TMED8: variants seen among roughly 807,000 people sequenced by gnomAD.
The protein encoded by TMED8 is transmembrane p24 trafficking protein family member 8, also known as protein TMED8.
In TMED8, 15 loss-of-function variants were observed where a neutral mutation model predicts 32.7. That is an observed-to-expected ratio of 0.46 (90% CI 0.31 to 0.71). The LOEUF (loss-of-function observed/expected upper bound fraction) is 0.71, where lower values mean the gene tolerates loss of function less well. TMED8 is among the 30% of genes least tolerant of loss of function. The probability of loss-of-function intolerance (pLI) is 0.06; values close to 1 mark genes in which losing one functional copy is unlikely to be tolerated. For missense variants in TMED8, 390 were observed against 423.9 expected (o/e 0.92, Z 0.70); for synonymous variants, 147 against 161.4 (o/e 0.91, Z 0.68).
At chr14:77,353,420 T>TTTTTC (rs1041855840) in intron 1 of TMED8, among the ~76,000 whole-genome samples, 1 of 151,462 alleles carries the variant, frequency 6.6e-6, no homozygotes, top group Non-Finnish European at 1.5e-5. Flanking sequence ...ACAAGATCTA[T>TTTTTC]TTTTCTTTTC....
intron 1 of TMED8, among the ~76,000 whole-genome samples, chr14:77,363,528 G>T (rs1018887378): frequency 4.6e-5 from 7 of 152,112 alleles, no homozygotes; most frequent in Non-Finnish European, 1.0e-4. Flanking sequence ...CAGGCATGGT[G>T]GCTCAGGCCT....
At chr14:77,373,678 A>T (rs1340931806) in intron 1 of TMED8, among the ~76,000 whole-genome samples, 2 of 152,224 alleles carry the variant, frequency 1.3e-5, no homozygotes, top group African/African-American at 4.8e-5. Context: ...CAAAACCCTT[A>T]ACTCAACAAT....
chr14:77,346,771 T>TTTG (rs1893054879), intron 2 of TMED8, among the ~76,000 whole-genome samples: 1 of 139,538 alleles, frequency 7.2e-6, no homozygotes, highest in Admixed American at 7.0e-5. Context: ...TTTTTTTTTT[T>TTTG]TTTTTTTTTT....
intron 1 of TMED8, among the ~76,000 whole-genome samples, chr14:77,360,229 C>A (rs1893401007): frequency 6.6e-6 from 1 of 152,060 alleles, no homozygotes. Flanking sequence ...TAGTAAAATT[C>A]CCAAGCAAAA....
intron 1 of TMED8, among the ~76,000 whole-genome samples, chr14:77,360,973 C>CTTTT (rs71128616): frequency 1.2e-5 from 1 of 85,468 alleles, no homozygotes; most frequent in African/African-American, 5.1e-5. Flanking sequence ...GATCCTTTGC[C>CTTTT]TTTTTTTTTT....
chr14:77,343,472 G>C lies in TMED8; in HGVS notation c.466C>G (p.Leu156Val). The C allele has an allele frequency of 6.2e-7, 1 of 1,613,396 alleles. No homozygotes were observed. Among genetic ancestry groups the C allele is most frequent in the Non-Finnish European group, 8.5e-7 (1 of 1,179,690 alleles). Reference protein sequence around the residue: ...LGDHRKVSPPLMAPPCIWTFA... With the variant: ...LGDHRKVSPPVMAPPCIWTFA... ...GTCCAGATGCATGGAGGAGCCATCA[G>C]AGGTGGGGAGACTGAAAGGACAAGC... Residue 156 changes from leucine to valine, a missense_variant, in exon 5 of 6, where the codon CTG becomes GTG. By Grantham distance (32) the Leu-to-Val change is conservative. Transcript: ENST00000216468.
intron 2 of TMED8, among the ~76,000 whole-genome samples, chr14:77,349,104 C>T (rs957578600): frequency 9.9e-6 from 1 of 101,394 alleles, no homozygotes; most frequent in Non-Finnish European, 2.0e-5. Flanking sequence ...AACTCTAAGG[C>T]CCTTTTTTTT....
At chr14:77,357,194 T>C (rs1336278688) in intron 1 of TMED8, among the ~76,000 whole-genome samples, 1 of 152,194 alleles carries the variant, frequency 6.6e-6, no homozygotes, top group Non-Finnish European at 1.5e-5. Flanking sequence ...TCAGTTTTGT[T>C]CTTGCAAGAA....
intron 1 of TMED8, among the ~76,000 whole-genome samples, chr14:77,355,297 C>T (rs560860703): frequency 3.2e-4 from 49 of 151,436 alleles, no homozygotes; most frequent in African/African-American, 9.9e-4. Flanking sequence ...CGTGTTCAAG[C>T]GATTCTCCTG....
At chr14:77,343,538 G>C (rs1009233792) in intron 4 of TMED8, 55 bp from the exon 5 acceptor site, 9 of 1,593,706 alleles carry the variant, frequency 5.6e-6, no homozygotes, top group Non-Finnish European at 7.7e-6. Context: ...TGAGTACCCC[G>C]GGCATTTTGC....
chr14:77,351,817 C>G, intron 1 of TMED8, 66 bp from the exon 2 acceptor site: 2 of 1,376,624 alleles, frequency 1.5e-6, no homozygotes, highest in Non-Finnish European at 2.0e-6. Context: ...TATCTTGTAC[C>G]TTTAAAAAAA....
rs566280520 is a variant in TMED8 at position 77,369,280 on chromosome 14, G to T, written c.118+7656C>A. Among the ~76,000 whole-genome samples, 40 of 152,310 alleles carry T rather than the reference G, an allele frequency of 2.6e-4. No homozygotes were observed. In the South Asian group the frequency reaches 7.7e-3, roughly 29 times the overall value. On this transcript the variant is annotated intron_variant, in intron 1 of 5. Coordinates refer to ENST00000216468, the MANE Select transcript of TMED8 (RefSeq NM_213601.3). ...TAAAAACTTTAAAATAAGTCTTGAT[G>T]TTGGATGGAACAAATCTTTCCCTGT...
Position 77,340,605 on chromosome 14 carries a change from CAG to C in TMED8, c.*1164_*1165del, listed in dbSNP as rs1480496083. Reference sequence around the variant, plus strand: ...TGCACTCTGTGGCACTCCTGAGCCTCAGGGGTGACACAGTAGGAAATGCTGTC... The same window carrying C: ...TGCACTCTGTGGCACTCCTGAGCCTCGGGTGACACAGTAGGAAATGCTGTC... On this transcript the variant is annotated 3_prime_UTR_variant, in exon 6 of 6. Coordinates refer to ENST00000216468, the MANE Select transcript of TMED8 (RefSeq NM_213601.3). 6.6e-6 allele frequency: 1 copy of C among 152,170 alleles called. No individual in the cohort carries two copies. Among genetic ancestry groups the C allele is most frequent in the East Asian group, 1.9e-4 (1 of 5,188 alleles). The allele number at this position is 152,170 out of a possible 1,614,324, so 9.4% of individuals were successfully genotyped here. A position where few individuals can be genotyped will look rare whatever the true frequency, so the allele number is the denominator to read the frequency against.
At chr14:77,356,062 A>G (rs560120337) in intron 1 of TMED8, among the ~76,000 whole-genome samples, 3 of 152,348 alleles carry the variant, frequency 2.0e-5, no homozygotes, top group Non-Finnish European at 4.4e-5. Flanking sequence ...AGAGAAACAG[A>G]CCAGAGAGGC....
At chr14:77,372,416 A>G (rs554887102) in intron 1 of TMED8, among the ~76,000 whole-genome samples, 1 of 152,348 alleles carries the variant, frequency 6.6e-6, no homozygotes, top group Admixed American at 6.5e-5. Context: ...CAGGCCTCAG[A>G]GGATTTCCCC....
At chr14:77,351,652 C>T (rs375426022) in intron 2 of TMED8, 21 bp downstream of exon 2, 6 of 1,596,250 alleles carry the variant, frequency 3.8e-6, no homozygotes, top group Non-Finnish European at 5.1e-6. Context: ...CCTGTGAAAG[C>T]ATTCTATCCA....
chr14:77,361,301 G>A (rs999045416), intron 1 of TMED8, among the ~76,000 whole-genome samples: 2 of 152,102 alleles, frequency 1.3e-5, no homozygotes, highest in African/African-American at 2.4e-5. Context: ...TCTTTTGCAT[G>A]TGGAAATCCA....
intron 2 of TMED8, 115 bp from the exon 3 acceptor site, chr14:77,346,593 G>T: frequency 7.3e-7 from 1 of 1,361,652 alleles, no homozygotes; most frequent in Non-Finnish European, 1.0e-6. Context: ...CCTGCCCCTG[G>T]CATTTATTTA....
At chr14:77,372,940 ATATATATATATATTTTTTTTTTTTTTTT>A (rs1893720603) in intron 1 of TMED8, among the ~76,000 whole-genome samples, 1 of 26,450 alleles carries the variant, frequency 3.8e-5, no homozygotes, top group Non-Finnish European at 6.1e-5. Context: ...ATATATATAT[ATATATATATATATTTTTTTTTTTTTTTT>A]TTTTTTTTTT....
Sources: allele counts gnomAD v4.1 joint callset (sites outside exome capture counted in the v4.1 genomes callset), GRCh38; gene constraint gnomAD v4.1.1; transcripts MANE v1.5; gene names NCBI Gene and HGNC (gene_info 2026-07-23, HGNC 2026-07-21).